Variants in DOK5 observed in about 807,000 individuals in gnomAD.
The protein encoded by DOK5 is docking protein 5.
In DOK5, 27 loss-of-function variants were observed where a neutral mutation model predicts 43.3. The observed-to-expected ratio is 0.62, with a 90% CI of 0.46 to 0.86. DOK5 has a LOEUF of 0.86. DOK5 is among the 40% of genes least tolerant of loss of function. DOK5 has a pLI of 0.00. For synonymous variants in DOK5, 146 were observed against 140.1 expected, an observed-to-expected ratio of 1.04 and a Z score of -0.30; for missense variants, 373 against 392.9, an observed-to-expected ratio of 0.95 and a Z score of 0.43.
chr20:54,496,861 T>G lies in DOK5; in HGVS notation c.66+20849T>G, dbSNP rs539433136. Among the ~76,000 whole-genome samples, 3 of 152,192 alleles carry G rather than the reference T, an allele frequency of 2.0e-5. No individual in the cohort carries two copies. In the South Asian group the frequency reaches 6.2e-4, roughly 32 times the overall value. ...ATATTAACTTCTCCAATTCTGTACT[T>G]TACAGATGGGGAAACTGAGGGCAAG... On this transcript the variant is annotated intron_variant, in intron 1 of 7. Transcript: ENST00000262593.
At chr20:54,537,468 G>T (rs1237800677) in intron 1 of DOK5, among the ~76,000 whole-genome samples, 1 of 152,128 alleles carries the variant, frequency 6.6e-6, no homozygotes, top group African/African-American at 2.4e-5. Context: ...CTTGAAGCAT[G>T]AGGAAAAAAA....
intron 5 of DOK5, among the ~76,000 whole-genome samples, chr20:54,602,673 AT>A (rs1191380651): frequency 1.3e-5 from 2 of 152,086 alleles, no homozygotes; most frequent in African/African-American, 2.4e-5. Context: ...TTTGATAACA[AT>A]TTTTTAATGT....
In DOK5 at chr20:54,566,033, C is replaced by A. The variant is rs1261417038; in HGVS notation, c.174+10993C>A. Among the ~76,000 whole-genome samples the A allele has an allele frequency of 4.3e-4, 59 of 138,664 alleles. No individual in the cohort carries two copies. In the East Asian group the frequency reaches 6.3e-3, roughly 15 times the overall value. The allele number at this position is 138,664 out of a possible 152,430, so 91.0% of individuals were successfully genotyped here. A position where few individuals can be genotyped will look rare whatever the true frequency, so the allele number is the denominator to read the frequency against. ...TTCCGTCTCAAAAAAAAAAAAAAAA[C>A]CCTGAACATTTCCATCAGCAAGAGG... On this transcript the variant is annotated intron_variant, in intron 2 of 7. Transcript: ENST00000262593.
chr20:54,588,387 G>A, intron 2 of DOK5, 96 bp from the exon 3 acceptor site: 1 of 939,792 alleles, frequency 1.1e-6, no homozygotes, highest in Non-Finnish European at 1.7e-6. Flanking sequence ...GCTCAGCTGT[G>A]CTGTGCCATA....
chr20:54,545,604 A>C (rs1725142233), intron 1 of DOK5, among the ~76,000 whole-genome samples: 1 of 152,244 alleles, frequency 6.6e-6, no homozygotes, highest in African/African-American at 2.4e-5. Flanking sequence ...ATGAGATAAC[A>C]TCTAATTCTA....
chr20:54,518,846 A>G (rs1341721020), intron 1 of DOK5, among the ~76,000 whole-genome samples: 1 of 152,208 alleles, frequency 6.6e-6, no homozygotes, highest in Non-Finnish European at 1.5e-5. Context: ...ATGAACTCAA[A>G]CAAATTTACA....
chr20:54,480,952 ATCTATCT>A (rs879712982), intron 1 of DOK5, among the ~76,000 whole-genome samples: 5,052 of 120,490 alleles, frequency 0.042, 512 homozygotes, highest in African/African-American at 0.13. Context: ...TCTATCTATC[ATCTATCT>A]ATCATCTATC....
At chr20:54,603,102 C>T (rs180970545) in intron 5 of DOK5, among the ~76,000 whole-genome samples, 32 of 152,310 alleles carry the variant, frequency 2.1e-4, no homozygotes, top group African/African-American at 6.7e-4. Flanking sequence ...AAATGAATCA[C>T]GTAGGTGGCA....
At chr20:54,486,334 A>G (rs951764037) in intron 1 of DOK5, among the ~76,000 whole-genome samples, 6 of 144,550 alleles carry the variant, frequency 4.2e-5, no homozygotes, top group African/African-American at 1.4e-4. Flanking sequence ...TGATATGTCT[A>G]TATATGTCTA....
chr20:54,641,471 T>TC (rs1438301601), intron 6 of DOK5, among the ~76,000 whole-genome samples: 1 of 143,440 alleles, frequency 7.0e-6, no homozygotes, highest in African/African-American at 3.0e-5. Context: ...CAGTGGAGAC[T>TC]TTTTTTTCTT....
chr20:54,613,721 C>T (rs192321279), intron 6 of DOK5, among the ~76,000 whole-genome samples: 6 of 152,170 alleles, frequency 3.9e-5, no homozygotes, highest in Non-Finnish European at 7.4e-5. Context: ...AGGTTGGGTA[C>T]GGTGGCTCAC....
At chr20:54,630,550 A>G (rs1205896370) in intron 6 of DOK5, among the ~76,000 whole-genome samples, 3 of 152,178 alleles carry the variant, frequency 2.0e-5, no homozygotes, top group African/African-American at 7.2e-5. Flanking sequence ...CTGATTTCCA[A>G]CTGGGAATTG....
At chr20:54,543,584 T>A (rs142958745) in intron 1 of DOK5, among the ~76,000 whole-genome samples, 2,481 of 150,602 alleles carry the variant, frequency 0.016, 68 homozygotes, top group African/African-American at 0.057. Context: ...TGTGTGTGTG[T>A]GAGAGAGAGA....
chr20:54,507,552 A>G (rs184418770), intron 1 of DOK5, among the ~76,000 whole-genome samples: 107 of 152,358 alleles, frequency 7.0e-4, no homozygotes, highest in African/African-American at 2.5e-3. Context: ...CAGCCTAGCC[A>G]CATTTCAAGT....
intron 5 of DOK5, among the ~76,000 whole-genome samples, chr20:54,601,662 T>C (rs1986301771): frequency 6.6e-6 from 1 of 152,242 alleles, no homozygotes; most frequent in African/African-American, 2.4e-5. Flanking sequence ...TTAGGAAACC[T>C]GTGCTAGTGA....
At chr20:54,579,901 G>T (rs1985582320) in intron 2 of DOK5, among the ~76,000 whole-genome samples, 1 of 151,986 alleles carries the variant, frequency 6.6e-6, no homozygotes, top group African/African-American at 2.4e-5. Context: ...ACCTACCTTA[G>T]GTATTTCTCC....
At chr20:54,578,660 T>C (rs1985533584) in intron 2 of DOK5, among the ~76,000 whole-genome samples, 1 of 152,196 alleles carries the variant, frequency 6.6e-6, no homozygotes, top group East Asian at 1.9e-4. Context: ...CAAAACTCTT[T>C]CTGTTAGTAA....
chr20:54,608,667 CTTT>C (rs11353769), intron 5 of DOK5, among the ~76,000 whole-genome samples: 28 of 134,268 alleles, frequency 2.1e-4, no homozygotes, highest in African/African-American at 1.5e-4. Context: ...TCTTCTTCTT[CTTT>C]TTTTTTTTTT....
chr20:54,499,598 G>A (rs1568755814), intron 1 of DOK5, among the ~76,000 whole-genome samples: 2 of 152,152 alleles, frequency 1.3e-5, no homozygotes, highest in South Asian at 2.1e-4. Context: ...TGAGTGGGAG[G>A]CTCTGTGTTT....
Sources: gnomAD v4.1 joint callset for allele counts (sites outside exome capture counted in the v4.1 genomes callset) on GRCh38, gnomAD v4.1.1 for gene constraint, MANE v1.5 for transcripts, NCBI Gene and HGNC (gene_info 2026-07-23, HGNC 2026-07-21) for gene names.